LRP1B: variants seen among roughly 807,000 people sequenced by gnomAD.
The protein encoded by LRP1B is low-density lipoprotein receptor-related protein 1B.
In LRP1B, 217 loss-of-function variants were observed where a neutral mutation model predicts 556.6. The ratio of observed to expected loss-of-function variants is 0.39; its 90% CI spans 0.35 to 0.44. LRP1B has a LOEUF of 0.44. Among genes scored for constraint, LRP1B ranks in the 20% least tolerant of loss-of-function variants. The probability of loss-of-function intolerance (pLI) is 1.00; values close to 1 mark genes in which losing one functional copy is unlikely to be tolerated. For synonymous variants in LRP1B, 2,047 were observed against 1,865.8 expected, an observed-to-expected ratio of 1.10 and a Z score of -2.50; for missense variants, 5,053 against 5,620.8, an observed-to-expected ratio of 0.90 and a Z score of 3.23.
intron 41 of LRP1B, among the ~76,000 whole-genome samples, chr2:140,604,260 T>C (rs528095554): frequency 2.0e-5 from 3 of 151,798 alleles, no homozygotes; most frequent in South Asian, 4.2e-4. Flanking sequence ...TCTTCCCTCT[T>C]ACCCACTTTT....
chr2:140,312,328 CA>C (rs1233091961), intron 83 of LRP1B, among the ~76,000 whole-genome samples: 1 of 151,912 alleles, frequency 6.6e-6, no homozygotes, highest in Non-Finnish European at 1.5e-5. Flanking sequence ...AATGTTGTCT[CA>C]AAAGTACAAA....
At chr2:142,034,702 AT>A (rs1459198709) in intron 1 of LRP1B, among the ~76,000 whole-genome samples, 4 of 151,814 alleles carry the variant, frequency 2.6e-5, no homozygotes, top group South Asian at 2.1e-4. Context: ...ACAAAATGTG[AT>A]TGAATAAATC....
chr2:140,283,480 C>T (rs1683000174), intron 84 of LRP1B, among the ~76,000 whole-genome samples: 1 of 151,540 alleles, frequency 6.6e-6, no homozygotes, highest in Non-Finnish European at 1.5e-5. Flanking sequence ...TTCTATTATA[C>T]TAATGAAAAT....
intron 31 of LRP1B, among the ~76,000 whole-genome samples, chr2:140,838,532 TG>T: frequency 6.6e-6 from 1 of 152,270 alleles, no homozygotes; most frequent in East Asian, 1.9e-4. Context: ...CAAATCTTAG[TG>T]ATACTACACC....
At chr2:140,317,750 A>AC (rs1684589145) in intron 82 of LRP1B, among the ~76,000 whole-genome samples, 4 of 152,222 alleles carry the variant, frequency 2.6e-5, no homozygotes, top group East Asian at 1.9e-4. Context: ...ATTATGGGGT[A>AC]CTCATTTTTA....
intron 7 of LRP1B, among the ~76,000 whole-genome samples, chr2:141,145,918 CTTTCTTT>C (rs1418373395): frequency 2.7e-5 from 3 of 110,166 alleles, no homozygotes; most frequent in South Asian, 3.1e-4. Flanking sequence ...TTCTTTCTTT[CTTTCTTT>C]TTTTTTTTTT....
chr2:140,619,873 G>A (rs959667222), intron 41 of LRP1B, among the ~76,000 whole-genome samples: 9 of 151,898 alleles, frequency 5.9e-5, no homozygotes, highest in African/African-American at 2.2e-4. Flanking sequence ...AGATACTTAT[G>A]ACCAAAAAAG....
chr2:140,538,024 T>A (rs957132970), intron 45 of LRP1B, among the ~76,000 whole-genome samples: 1 of 152,112 alleles, frequency 6.6e-6, no homozygotes, highest in Non-Finnish European at 1.5e-5. Context: ...TGGAGGTAAG[T>A]AGAATTCATT....
intron 2 of LRP1B, among the ~76,000 whole-genome samples, chr2:141,576,832 T>A (rs1197937733): frequency 6.6e-6 from 1 of 150,556 alleles, no homozygotes; most frequent in Non-Finnish European, 1.5e-5. Flanking sequence ...TTTTTTTAAA[T>A]TTTTTTGTAG....
chr2:141,512,838 T>C (rs1684178408), intron 2 of LRP1B, among the ~76,000 whole-genome samples: 1 of 152,114 alleles, frequency 6.6e-6, no homozygotes, highest in South Asian at 2.1e-4. Context: ...TGGCTGAATG[T>C]AATATGGATT....
intron 43 of LRP1B, among the ~76,000 whole-genome samples, chr2:140,560,784 G>T (rs116497397): frequency 0.027 from 4,149 of 152,080 alleles, 150 homozygotes; most frequent in African/African-American, 0.083. Context: ...AAAATGTATA[G>T]GAAAATGAAA....
chr2:141,364,315 ATGATTAAAT>A (rs1559030944), intron 3 of LRP1B, among the ~76,000 whole-genome samples: 15 of 151,476 alleles, frequency 9.9e-5, no homozygotes, highest in African/African-American at 3.6e-4. Flanking sequence ...ACACAGTTGA[ATGATTAAAT>A]CACATACACA....
intron 11 of LRP1B, among the ~76,000 whole-genome samples, chr2:141,020,590 A>C (rs1028683053): frequency 1.2e-4 from 18 of 152,174 alleles, no homozygotes; most frequent in Admixed American, 1.1e-3. Flanking sequence ...GAACAGTTTC[A>C]GCAGGGGCAC....
At chr2:140,982,370 G>T in intron 17 of LRP1B, 94 bp from the exon 18 acceptor site, 2 of 730,974 alleles carry the variant, frequency 2.7e-6, no homozygotes, top group Non-Finnish European at 4.7e-6. Flanking sequence ...TCATACATAA[G>T]ATAGTATGTT....
Position 140,987,915 on chromosome 2 carries a change from C to T in LRP1B, c.2770+1617G>A, listed in dbSNP as rs149680563. Among the ~76,000 whole-genome samples, 537 of 151,866 alleles carry T rather than the reference C, an allele frequency of 3.5e-3. 3 individuals carry two copies. Among genetic ancestry groups the T allele is most frequent in the African/African-American group, 0.012 (515 of 41,416 alleles). On this transcript the variant is annotated intron_variant, in intron 17 of 90. Coordinates refer to ENST00000389484, the MANE Select transcript of LRP1B (RefSeq NM_018557.3). ...ATGAGAATTGCTTGCACCTGGGAGG[C>T]GAAAGTTGCAGTGAGCTGAGATCAT...
chr2:140,302,988 C>T (rs1356006101), intron 83 of LRP1B, among the ~76,000 whole-genome samples: 2 of 132,816 alleles, frequency 1.5e-5, no homozygotes, highest in Non-Finnish European at 3.1e-5. Flanking sequence ...AGCACATGTA[C>T]CAATTCCAAT....
At chr2:141,761,843 G>A (rs1694563250) in intron 2 of LRP1B, among the ~76,000 whole-genome samples, 1 of 152,122 alleles carries the variant, frequency 6.6e-6, no homozygotes, top group Non-Finnish European at 1.5e-5. Flanking sequence ...AGTTTGCACT[G>A]TGTATGACAT....
intron 3 of LRP1B, among the ~76,000 whole-genome samples, chr2:141,255,254 G>A (rs1684416649): frequency 1.3e-5 from 2 of 151,936 alleles, no homozygotes; most frequent in Admixed American, 6.6e-5. Flanking sequence ...CACATTTATT[G>A]CACAAACAAT....
intron 2 of LRP1B, among the ~76,000 whole-genome samples, chr2:141,582,353 C>A (rs898980842): frequency 6.6e-6 from 1 of 152,146 alleles, no homozygotes; most frequent in Non-Finnish European, 1.5e-5. Context: ...GTTGTTCCTG[C>A]TGCTGTTTGT....
Sources: gnomAD v4.1 joint callset for allele counts (sites outside exome capture counted in the v4.1 genomes callset) on GRCh38, gnomAD v4.1.1 for gene constraint, MANE v1.5 for transcripts, NCBI Gene and HGNC (gene_info 2026-07-23, HGNC 2026-07-21) for gene names.